SRC: variants seen among roughly 807,000 people sequenced by gnomAD.
SRC encodes the protein proto-oncogene tyrosine-protein kinase Src.
A neutral mutation model predicts 62.9 loss-of-function variants in SRC; 13 were observed. The ratio of observed to expected loss-of-function variants is 0.21; its 90% CI spans 0.13 to 0.33. SRC has a LOEUF of 0.33. Among genes scored for constraint, SRC ranks in the 10% least tolerant of loss-of-function variants. SRC has a pLI of 1.00. For synonymous variants in SRC, 302 were observed against 317.5 expected, an observed-to-expected ratio of 0.95 and a Z score of 0.52; for missense variants, 457 against 737.3, an observed-to-expected ratio of 0.62 and a Z score of 4.40.
chr20:37,347,903 G>A (rs1233994433), intron 1 of SRC, among the ~76,000 whole-genome samples: 2 of 152,236 alleles, frequency 1.3e-5, no homozygotes, highest in Admixed American at 6.5e-5. Context: ...GGCAGTGGAG[G>A]TTCGCAAGAC....
At position 37,394,784 on chromosome 20, in the gene SRC, G is replaced by C. The variant is rs1167481606; in HGVS notation, c.553+507G>C. The stretch of plus-strand genomic sequence containing the variant: ...GTTGCAGGCGCCCGTCACCATGGCA[G>C]CCAAGCTGAGCTGCTTCCTGTGGGC... On this transcript the variant is annotated intron_variant, in intron 7 of 13. Coordinates refer to ENST00000373578, the MANE Select transcript of SRC (RefSeq NM_198291.3). Among the ~76,000 whole-genome samples, 3 of 152,224 alleles carry C rather than the reference G, an allele frequency of 2.0e-5. No individual in the cohort carries two copies. The East Asian group carries it at 5.8e-4, about 29-fold the overall frequency.
In SRC at chr20:37,397,932, TTG is replaced by T. The variant is rs1322461664; in HGVS notation, c.859+79_859+80del. On this transcript the variant is annotated intron_variant, in intron 9 of 13. Coordinates refer to ENST00000373578, the MANE Select transcript of SRC (RefSeq NM_198291.3). This position sits in a 1 kb window ranked among gnomAD's most constrained non-coding sequence, Gnocchi z 4.1. Reference sequence around the variant, plus strand: ...GCAGCTCCGGGCTCCCTTGGTCCCTTTGCCTTTAGCTGCCTCTGCTGGATGAC... The same window carrying T: ...GCAGCTCCGGGCTCCCTTGGTCCCTTCCTTTAGCTGCCTCTGCTGGATGAC... 3.3e-5 allele frequency: 49 copies of T among 1,483,758 alleles called. No individual in the cohort carries two copies. The highest frequency in any genetic ancestry group is 3.9e-5 in the Non-Finnish European group (44 of 1,114,784). 91.9% of individuals were successfully genotyped at this position (1,483,758 alleles called of 1,614,324 possible).
At position 37,404,930 on chromosome 20, in the gene SRC, C is replaced by T. The variant is rs2147134093; in HGVS notation, c.*1551C>T. 1 of 232,328 alleles carries T rather than the reference C, an allele frequency of 4.3e-6. No individual in the cohort carries two copies. Among genetic ancestry groups the T allele is most frequent in the East Asian group, 6.1e-5 (1 of 16,424 alleles). 14.4% of individuals were successfully genotyped at this position (232,328 alleles called of 1,614,324 possible). On this transcript the variant is annotated 3_prime_UTR_variant, in exon 14 of 14. Transcript: ENST00000373578. Reference sequence around the variant, plus strand: ...TGTCTCCATGTGCGTCCATATTTAACATGTAAAAATGTCCCCCCCGCTCCG... The same window carrying T: ...TGTCTCCATGTGCGTCCATATTTAATATGTAAAAATGTCCCCCCCGCTCCG...
intron 1 of SRC, among the ~76,000 whole-genome samples, chr20:37,352,337 G>A (rs1244223652): frequency 6.6e-6 from 1 of 152,236 alleles, no homozygotes; most frequent in Non-Finnish European, 1.5e-5. Flanking sequence ...GCCTCTGCAG[G>A]CCAACTGATC....
At chr20:37,399,339 A>G (rs2070703874) in intron 9 of SRC, among the ~76,000 whole-genome samples, 1 of 152,134 alleles carries the variant, frequency 6.6e-6, no homozygotes, top group African/African-American at 2.4e-5. Context: ...TGGGCTCCAG[A>G]GGTGACCTCT....
chr20:37,400,287 G>A lies in SRC; in HGVS notation c.1032G>A (p.Met344Ile), dbSNP rs1601020505. 6.2e-7 allele frequency: 1 copy of A among 1,611,418 alleles called. No individual in the cohort carries two copies. Among genetic ancestry groups the A allele is most frequent in the East Asian group, 2.2e-5 (1 of 44,776 alleles). ...CCATTTACATCGTCACGGAGTACAT[G>A]AGCAAGGGTGAGTCCTGGGCGGCCG... ...EEPIYIVTEY[M>I]SKGSLLDFLK... The change falls in exon 10 of 14, where the codon ATG (methionine) becomes ATA (isoleucine). Residue 344 changes from methionine (M) to isoleucine (I), a missense_variant. Met to Ile is a conservative substitution (Grantham distance 10). Around this residue, in one of 4 missense-constraint regions of SRC, gnomAD observed 168 missense variants for 357.8 expected, o/e 0.47. Coordinates refer to ENST00000373578, the MANE Select transcript of SRC (RefSeq NM_198291.3).
At chr20:37,358,137 T>A (rs1167057604) in intron 1 of SRC, among the ~76,000 whole-genome samples, 2 of 152,190 alleles carry the variant, frequency 1.3e-5, no homozygotes, top group Non-Finnish European at 2.9e-5. Context: ...CTGGGCACAG[T>A]AACGGTCCCT....
At chr20:37,392,002 A>T (rs1024410346) in intron 5 of SRC, among the ~76,000 whole-genome samples, 4 of 152,156 alleles carry the variant, frequency 2.6e-5, no homozygotes, top group Non-Finnish European at 4.4e-5. Flanking sequence ...CTTGGGGGTC[A>T]GTGGGAGAGA....
chr20:37,385,138 A>T (rs1418980600), intron 4 of SRC, among the ~76,000 whole-genome samples: 1 of 149,200 alleles, frequency 6.7e-6, no homozygotes, highest in Non-Finnish European at 1.5e-5. Flanking sequence ...GTAGCTGAAG[A>T]CACACGCACA....
In SRC at chr20:37,360,216, CTCTTTTTTTT is replaced by C. The variant is rs1219941284; in HGVS notation, c.-246-4986_-246-4977del. Among the ~76,000 whole-genome samples the C allele has an allele frequency of 7.5e-3, 845 of 112,540 alleles. 11 individuals are homozygous for C. Among genetic ancestry groups the C allele is most frequent in the African/African-American group, 0.039 (785 of 20,348 alleles). The allele number at this position is 112,540 out of a possible 152,430, so 73.8% of individuals were successfully genotyped here. A position where few individuals can be genotyped will look rare whatever the true frequency, so the allele number is the denominator to read the frequency against. ...ACAATTTCTTTCTCTTTCTCTCTCT[CTCTTTTTTTT>C]TTTTTTTTTTTTGGTGAGACAGGGT... On this transcript the variant is annotated intron_variant, in intron 1 of 13. Coordinates refer to ENST00000373578, the MANE Select transcript of SRC (RefSeq NM_198291.3).
intron 5 of SRC, among the ~76,000 whole-genome samples, chr20:37,390,474 T>C (rs2070529408): frequency 6.8e-6 from 1 of 146,692 alleles, no homozygotes. Flanking sequence ...CTTGGCTTAC[T>C]GCAATCTCTA....
chr20:37,392,312 A>T (rs2147084949), intron 5 of SRC, among the ~76,000 whole-genome samples: 1 of 152,288 alleles, frequency 6.6e-6, no homozygotes, highest in East Asian at 1.9e-4. Flanking sequence ...CTGTCCTCCG[A>T]CAGGTCCCTG....
At position 37,384,112 on chromosome 20, in the gene SRC, G is replaced by T. The variant is rs773072246; in HGVS notation, c.-4-38G>T. ...GGAGGCCGGCCAAGGGGCCCCGGCA[G>T]CCCTGCCTGTTCCAGTGTCTTCTCT... On this transcript the variant is annotated intron_variant, in intron 3 of 13. Transcript: ENST00000373578. The surrounding 1 kb of genome is among the most constrained non-coding windows in gnomAD (Gnocchi z 6.7). 6.3e-7 allele frequency: 1 copy of T among 1,590,148 alleles called. No homozygotes were observed. Among genetic ancestry groups the T allele is most frequent in the Non-Finnish European group, 8.5e-7 (1 of 1,173,068 alleles).
Position 37,404,397 on chromosome 20 carries a change from C to T in SRC, c.*1018C>T, listed in dbSNP as rs879603128. On this transcript the variant is annotated 3_prime_UTR_variant, in exon 14 of 14. Coordinates refer to ENST00000373578, the MANE Select transcript of SRC (RefSeq NM_198291.3). ...AGAGCCAGCCGGCTATGAAAGGGAG[C>T]GAGCCCCTCGGCTCTGGAGGCAATC... The T allele has an allele frequency of 1.3e-4, 30 of 233,318 alleles. No homozygotes were observed. Among genetic ancestry groups the T allele is most frequent in the Non-Finnish European group, 2.0e-4 (23 of 117,936 alleles). The allele number at this position is 233,318 out of a possible 1,614,324, so 14.5% of individuals were successfully genotyped here.
rs192579555 is a variant in SRC at position 37,404,954 on chromosome 20, C to T, written c.*1575C>T. On this transcript the variant is annotated 3_prime_UTR_variant, in exon 14 of 14. Transcript: ENST00000373578. ...ACATGTAAAAATGTCCCCCCCGCTC[C>T]GTCCCCCAAACATGTTGTACATTTC... is the stretch of plus-strand genomic sequence containing the variant. 2.5e-4 allele frequency: 54 copies of T among 219,690 alleles called. No homozygotes were observed. The highest frequency in any genetic ancestry group is 9.8e-4 in the East Asian group (14 of 14,332). 13.6% of individuals were successfully genotyped at this position (219,690 alleles called of 1,614,324 possible).
chr20:37,366,409 T>C (rs146841520), intron 2 of SRC, among the ~76,000 whole-genome samples: 1 of 152,344 alleles, frequency 6.6e-6, no homozygotes, highest in East Asian at 1.9e-4. Context: ...CTATTTAAAG[T>C]ATACAATTCA....
intron 10 of SRC, 46 bp from the exon 11 acceptor site, chr20:37,401,556 G>A: frequency 4.0e-6 from 6 of 1,496,390 alleles, no homozygotes; most frequent in Non-Finnish European, 4.6e-6. Context: ...CTGCATCCTG[G>A]CAGAGGGACA....
intron 5 of SRC, among the ~76,000 whole-genome samples, chr20:37,390,218 G>GTCTCT (rs1319534035): frequency 6.6e-6 from 1 of 152,180 alleles, no homozygotes; most frequent in African/African-American, 2.4e-5. Flanking sequence ...AGAGAGGGCA[G>GTCTCT]GGTACTTGCC....
At position 37,384,269 on chromosome 20, in the gene SRC, G is replaced by A. The variant is rs1479413147; in HGVS notation, c.116G>A (p.Ser39Asn). 6.4e-7 allele frequency: 1 copy of A among 1,552,252 alleles called. No homozygotes were observed. The highest frequency in any genetic ancestry group is 8.6e-7 in the Non-Finnish European group (1 of 1,158,828). Residue 39 changes from serine (S) to asparagine (N), a missense_variant, in exon 4 of 14, where the codon AGC becomes AAC. Ser to Asn is a conservative substitution (Grantham distance 46). This residue lies in a region of SRC where 132 missense variants were observed against 135.4 expected (regional missense o/e 0.98). Transcript: ENST00000373578. This position sits in a 1 kb window ranked among gnomAD's most constrained non-coding sequence, Gnocchi z 6.7. Reference sequence around the variant, plus strand: ...GCTTTCCCCGCCTCGCAGACCCCCAGCAAGCCAGCCTCGGCCGACGGCCAC... The same window carrying A: ...GCTTTCCCCGCCTCGCAGACCCCCAACAAGCCAGCCTCGGCCGACGGCCAC... ...GGAFPASQTP[S>N]KPASADGHRG...
Sources: allele counts gnomAD v4.1 joint callset (sites outside exome capture counted in the v4.1 genomes callset), GRCh38; gene constraint gnomAD v4.1.1; regional missense constraint gnomAD v4.1.1; non-coding constraint Gnocchi (gnomAD v3.1); transcripts MANE v1.5; gene names NCBI Gene and HGNC (gene_info 2026-07-23, HGNC 2026-07-21).